Variants in EPN1 observed in about 807,000 individuals in gnomAD.
EPN1 encodes the protein epsin 1, also known as epsin-1.
EPN1 carries 25 observed loss-of-function variants against 56.9 expected under a neutral mutation model. The observed-to-expected ratio is 0.44, with a 90% CI of 0.32 to 0.61. The LOEUF (loss-of-function observed/expected upper bound fraction) is 0.61, where lower values mean the gene tolerates loss of function less well. Ranked by LOEUF, EPN1 falls within the 20% of genes least tolerant of loss-of-function variation. EPN1 has a pLI of 0.05. For synonymous variants in EPN1, 411 were observed against 361.8 expected (o/e 1.14, Z -1.54); for missense variants, 785 against 823.7 (o/e 0.95, Z 0.58).
In EPN1 at chr19:55,678,561, G is replaced by A. The variant is rs542251105; in HGVS notation, c.-67G>A. 8.4e-5 allele frequency: 130 copies of A among 1,552,486 alleles called. No individual in the cohort carries two copies. In the Admixed American group the frequency reaches 1.3e-3, roughly 15 times the overall value. On this transcript the variant is annotated 5_prime_UTR_variant, in exon 2 of 11. Coordinates refer to ENST00000270460, the MANE Select transcript of EPN1 (RefSeq NM_001130072.2). Reference sequence around the variant, plus strand: ...CCTGCCAGCACCTGCCGCAGCCTTCGTCCGGGAGTCGCCCCATCTCTCCAC... The same window carrying A: ...CCTGCCAGCACCTGCCGCAGCCTTCATCCGGGAGTCGCCCCATCTCTCCAC...
Position 55,695,541 on chromosome 19 carries a change from G to T in EPN1, c.*185G>T. On this transcript the variant is annotated 3_prime_UTR_variant, in exon 11 of 11. Transcript: ENST00000270460. This position sits in a 1 kb window ranked among gnomAD's most constrained non-coding sequence, Gnocchi z 4.4. Reference sequence around the variant, plus strand: ...CTCCCCGGAGAGAAACTGGACATGGGGCCTGGGGAGGGGAGCTGGCCAGAG... The same window carrying T: ...CTCCCCGGAGAGAAACTGGACATGGTGCCTGGGGAGGGGAGCTGGCCAGAG... 1 of 585,244 alleles carries T rather than the reference G, an allele frequency of 1.7e-6. No homozygotes were observed. The highest frequency in any genetic ancestry group is 2.1e-5 in the South Asian group (1 of 47,470). 36.3% of individuals were successfully genotyped at this position (585,244 alleles called of 1,614,324 possible). A position where few individuals can be genotyped will look rare whatever the true frequency, so the allele number is the denominator to read the frequency against.
Position 55,701,603 on chromosome 19 carries a change from C to G in EPN1, c.*6247C>G, listed in dbSNP as rs1341624193. The G allele has an allele frequency of 1.3e-5, 2 of 152,156 alleles. No homozygotes were observed. The highest frequency in any genetic ancestry group is 4.8e-5 in the African/African-American group (2 of 41,414). 9.4% of individuals were successfully genotyped at this position (152,156 alleles called of 1,614,324 possible). On this transcript the variant is annotated 3_prime_UTR_variant, in exon 11 of 11. Coordinates refer to ENST00000270460, the MANE Select transcript of EPN1 (RefSeq NM_001130072.2). ...CAGAAGGAGCTGACATTAATGAGAA[C>G]TTCTCCCTGTTAGACCCTTAAAATA...
chr19:55,692,881 G>T (rs370252884), intron 8 of EPN1, 70 bp from the exon 9 acceptor site: 11 of 1,594,534 alleles, frequency 6.9e-6, no homozygotes, highest in Non-Finnish European at 9.4e-6. Context: ...AGGGGTGGAC[G>T]CCTGGACTGG....
At chr19:55,683,703 C>T (rs1985980240) in intron 2 of EPN1, among the ~76,000 whole-genome samples, 1 of 152,220 alleles carries the variant, frequency 6.6e-6, no homozygotes, top group African/African-American at 2.4e-5. Context: ...TGTGAGCGTG[C>T]CATAGTTGAT....
Position 55,694,854 on chromosome 19 carries a change from C to A in EPN1, c.1393C>A (p.Pro465Thr). 2 of 1,608,244 alleles carry A rather than the reference C, an allele frequency of 1.2e-6. No homozygotes were observed. Among genetic ancestry groups the A allele is most frequent in the Non-Finnish European group, 1.7e-6 (2 of 1,177,622 alleles). The stretch of plus-strand genomic sequence containing the variant: ...ACCTGCAGCCACACCAACTCCCACG[C>A]CCCCCACCCGGAAGACGCCGGAGTC... ...PPPAATPTPT[P>T]PTRKTPESFL... Residue 465 changes from proline to threonine, a missense_variant, in exon 10 of 11, where the codon CCC becomes ACC. By Grantham distance (38) the Pro-to-Thr change is conservative (BLOSUM62 -1). Coordinates refer to ENST00000270460, the MANE Select transcript of EPN1 (RefSeq NM_001130072.2). The surrounding 1 kb of genome is among the most constrained non-coding windows in gnomAD (Gnocchi z 4.2).
At position 55,689,259 on chromosome 19, in the gene EPN1, C is replaced by T. The variant is rs1986375981; in HGVS notation, c.604-38C>T. 2 of 1,435,798 alleles carry T rather than the reference C, an allele frequency of 1.4e-6. No individual in the cohort carries two copies. Among genetic ancestry groups the T allele is most frequent in the Non-Finnish European group, 9.6e-7 (1 of 1,041,944 alleles). 88.9% of individuals were successfully genotyped at this position (1,435,798 alleles called of 1,614,324 possible). Reference sequence around the variant, plus strand: ...GCTCTGCCTCTGACTCTGCCTCTGGCCCCTCCCGTCATGCCCCTCACACTC... The same window carrying T: ...GCTCTGCCTCTGACTCTGCCTCTGGTCCCTCCCGTCATGCCCCTCACACTC... On this transcript the variant is annotated intron_variant, in intron 4 of 10. Coordinates refer to ENST00000270460, the MANE Select transcript of EPN1 (RefSeq NM_001130072.2). This position sits in a 1 kb window ranked among gnomAD's most constrained non-coding sequence, Gnocchi z 5.7.
chr19:55,681,279 C>T (rs992746197), intron 2 of EPN1, among the ~76,000 whole-genome samples: 1 of 152,218 alleles, frequency 6.6e-6, no homozygotes, highest in African/African-American at 2.4e-5. Flanking sequence ...ATGAAATCCA[C>T]GGTTACCCTG....
In EPN1 at chr19:55,695,343, C is replaced by T; in HGVS notation, c.1718C>T (p.Pro573Leu). 1 of 1,496,446 alleles carries T rather than the reference C, an allele frequency of 6.7e-7. No individual in the cohort carries two copies. Among genetic ancestry groups the T allele is most frequent in the Non-Finnish European group, 9.0e-7 (1 of 1,108,224 alleles). The allele number at this position is 1,496,446 out of a possible 1,614,324, so 92.7% of individuals were successfully genotyped here. A position where few individuals can be genotyped will look rare whatever the true frequency, so the allele number is the denominator to read the frequency against. Residue 573 changes from proline (P) to leucine (L), a missense_variant, in exon 11 of 11, where the codon CCC becomes CTC. By Grantham distance (98) the Pro-to-Leu change is moderately conservative. Around this residue, in one of 2 missense-constraint regions of EPN1, gnomAD observed 650 missense variants for 605.0 expected, o/e 1.07. Transcript: ENST00000270460. The surrounding 1 kb of genome is among the most constrained non-coding windows in gnomAD (Gnocchi z 4.4). ...PPGPPAPNTN[P>L]FLL ...GGCCCCCCGGCCCCCAACACTAATC[C>T]CTTCCTCCTATAATCCAGGGCGGAA... is the stretch of plus-strand genomic sequence containing the variant.
rs1987552262 is a variant in EPN1, at chr19:55,708,725, A to C, written c.*13369A>C. 2 of 455,130 alleles carry C rather than the reference A, an allele frequency of 4.4e-6. No individual in the cohort carries two copies. Among genetic ancestry groups the C allele is most frequent in the East Asian group, 6.5e-5 (2 of 30,702 alleles). The allele number at this position is 455,130 out of a possible 1,614,324, so 28.2% of individuals were successfully genotyped here. ...CTAAAGACAAGGGGATATAGGACCGAGGCAAAGACAATCAGCATGTACACT... is the reference window on the plus strand; with the variant it reads ...CTAAAGACAAGGGGATATAGGACCGCGGCAAAGACAATCAGCATGTACACT... On this transcript the variant is annotated 3_prime_UTR_variant, in exon 11 of 11. Coordinates refer to ENST00000270460, the MANE Select transcript of EPN1 (RefSeq NM_001130072.2).
intron 7 of EPN1, among the ~76,000 whole-genome samples, chr19:55,692,383 A>G (rs942538184): frequency 4.6e-5 from 7 of 150,764 alleles, no homozygotes; most frequent in African/African-American, 1.2e-4. Flanking sequence ...GCAGGTGGAG[A>G]AGGGGCCTGA....
chr19:55,678,778 G>T lies in EPN1; in HGVS notation c.151G>T (p.Val51Phe). The T allele has an allele frequency of 6.2e-7, 1 of 1,614,168 alleles. No individual in the cohort carries two copies. The highest frequency in any genetic ancestry group is 1.1e-5 in the South Asian group (1 of 91,078). ...GATTGCCGACCTCACCTACAACGTT[G>T]TCGCCTTCTCGGAGATCATGAGCAT... ...SEIADLTYNV[V>F]AFSEIMSMIW... Residue 51 changes from valine to phenylalanine, a missense_variant, in exon 2 of 11, where the codon GTC (valine) becomes TTC (phenylalanine). Transcript: ENST00000270460.
At chr19:55,681,003 C>T (rs1985779089) in intron 2 of EPN1, among the ~76,000 whole-genome samples, 1 of 152,212 alleles carries the variant, frequency 6.6e-6, no homozygotes, top group Non-Finnish European at 1.5e-5. Context: ...AAACTGAGGC[C>T]CAGAGACGGG....
Position 55,694,704 on chromosome 19 carries a change from C to G in EPN1, c.1265-22C>G. On this transcript the variant is annotated intron_variant, in intron 9 of 10. Transcript: ENST00000270460. The surrounding 1 kb of genome is among the most constrained non-coding windows in gnomAD (Gnocchi z 4.2). ...CTCACTGCTGTCTGCCCTGTCTGAG[C>G]CCCTCTCCCGGATCCTTCCAGGAGA... is the stretch of plus-strand genomic sequence containing the variant. The G allele has an allele frequency of 6.5e-7, 1 of 1,539,444 alleles. No individual in the cohort carries two copies. Among genetic ancestry groups the G allele is most frequent in the East Asian group, 2.3e-5 (1 of 44,210 alleles).
chr19:55,704,531 T>C lies in EPN1; in HGVS notation c.*9175T>C, dbSNP rs1368896740. ...AACCCTGCAGCACCTTCATCTTGAA[T>C]TTCTGGTTTCCAGAACTGTGAGAAA... is the stretch of plus-strand genomic sequence containing the variant. On this transcript the variant is annotated 3_prime_UTR_variant, in exon 11 of 11. Coordinates refer to ENST00000270460, the MANE Select transcript of EPN1 (RefSeq NM_001130072.2). 1 of 152,226 alleles carries C rather than the reference T, an allele frequency of 6.6e-6. No homozygotes were observed. Among genetic ancestry groups the C allele is most frequent in the Non-Finnish European group, 1.5e-5 (1 of 68,056 alleles). 9.4% of individuals were successfully genotyped at this position (152,226 alleles called of 1,614,324 possible).
At position 55,700,117 on chromosome 19, in the gene EPN1, G is replaced by GACATCTTGAAGCACACAAAAC. The variant is rs1568585513; in HGVS notation, c.*4761_*4762insACATCTTGAAGCACACAAAAC. On this transcript the variant is annotated 3_prime_UTR_variant, in exon 11 of 11. Coordinates refer to ENST00000270460, the MANE Select transcript of EPN1 (RefSeq NM_001130072.2). The stretch of plus-strand genomic sequence containing the variant: ...TTTGTATTTTTTTAGTAGAGACGGG[G>GACATCTTGAAGCACACAAAAC]TTTCACTGTGTTAGCCAGGATGGTC... 7 of 150,718 alleles carry GACATCTTGAAGCACACAAAAC rather than the reference G, an allele frequency of 4.6e-5. No individual in the cohort carries two copies. The highest frequency in any genetic ancestry group is 1.7e-4 in the African/African-American group (7 of 40,206). 9.3% of individuals were successfully genotyped at this position (150,718 alleles called of 1,614,324 possible).
At chr19:55,692,911 G>C (rs886716933) in intron 8 of EPN1, 40 bp from the exon 9 acceptor site, 1 of 1,609,884 alleles carries the variant, frequency 6.2e-7, no homozygotes, top group Admixed American at 1.7e-5. Context: ...CTGAGGCGGG[G>C]CCCCAGGGAG....
chr19:55,685,507 C>G lies in EPN1; in HGVS notation c.340C>G (p.Arg114Gly). Residue 114 changes from arginine to glycine, a missense_variant, in exon 3 of 11, where the codon CGC becomes GGC. By Grantham distance (125) the Arg-to-Gly change is moderately radical (BLOSUM62 -2). Transcript: ENST00000270460. ...QTLKDFQYVD[R>G]DGKDQGVNVR... The stretch of plus-strand genomic sequence containing the variant: ...GCTGAAGGACTTCCAGTACGTGGAC[C>G]GCGACGGCAAGGACCAGGGCGTGAA... 6.2e-7 allele frequency: 1 copy of G among 1,612,916 alleles called. No homozygotes were observed. The highest frequency in any genetic ancestry group is 8.5e-7 in the Non-Finnish European group (1 of 1,179,484).
chr19:55,705,999 G>C lies in EPN1; in HGVS notation c.*10643G>C, dbSNP rs1011344813. 6.1e-6 allele frequency: 1 copy of C among 163,766 alleles called. No homozygotes were observed. Among genetic ancestry groups the C allele is most frequent in the Non-Finnish European group, 1.3e-5 (1 of 75,486 alleles). 10.1% of individuals were successfully genotyped at this position (163,766 alleles called of 1,614,324 possible). On this transcript the variant is annotated 3_prime_UTR_variant, in exon 11 of 11. Transcript: ENST00000270460. Reference sequence around the variant, plus strand: ...CAGGTATGCTGGATGGGAAGCCAGAGGTCTGCATAGCAGTTACAAAGAAGG... The same window carrying C: ...CAGGTATGCTGGATGGGAAGCCAGACGTCTGCATAGCAGTTACAAAGAAGG...
chr19:55,683,048 C>T (rs1314711196), intron 2 of EPN1, among the ~76,000 whole-genome samples: 1 of 150,682 alleles, frequency 6.6e-6, no homozygotes, highest in Non-Finnish European at 1.5e-5. Context: ...AGCCACCGCG[C>T]CCAGCCTGTT....
Sources: allele counts gnomAD v4.1 joint callset (sites outside exome capture counted in the v4.1 genomes callset), GRCh38; gene constraint gnomAD v4.1.1; regional missense constraint gnomAD v4.1.1; non-coding constraint Gnocchi (gnomAD v3.1); transcripts MANE v1.5; gene names NCBI Gene and HGNC (gene_info 2026-07-23, HGNC 2026-07-21).